The following SERINC3 variants were observed in gnomAD, a reference collection of about 807,000 sequenced individuals.
SERINC3 encodes the protein serine incorporator 3, also known as tumor differentially expressed protein 1.
SERINC3 carries 22 observed loss-of-function variants against 52.1 expected under a neutral mutation model. That is an observed-to-expected ratio of 0.42 (90% CI 0.30 to 0.60). The LOEUF (loss-of-function observed/expected upper bound fraction) is 0.60. Ranked by LOEUF, SERINC3 falls within the 20% of genes least tolerant of loss-of-function variation. The pLI, the probability that SERINC3 is intolerant of heterozygous loss-of-function variation, is 0.16. For synonymous variants in SERINC3, 226 were observed against 212.7 expected, an observed-to-expected ratio of 1.06 and a Z score of -0.54; for missense variants, 564 against 584.6, an observed-to-expected ratio of 0.96 and a Z score of 0.36.
At chr20:44,500,628 C>T (rs1055326240) in intron 9 of SERINC3, among the ~76,000 whole-genome samples, 194 bp from the exon 10 acceptor site, 3 of 152,206 alleles carry the variant, frequency 2.0e-5, no homozygotes, top group Admixed American at 1.3e-4. Context: ...AGCTCATTGA[C>T]TCTGCCTCTC....
At position 44,503,988 on chromosome 20, in the gene SERINC3, G is replaced by A; in HGVS notation, c.882C>T (p.Ser294=). 6.4e-7 allele frequency: 1 copy of A among 1,572,564 alleles called. No homozygotes were observed. The highest frequency in any genetic ancestry group is 1.2e-5 in the South Asian group (1 of 81,382). The change falls in exon 8 of 10, where the codon TCC becomes TCT. Residue 294 remains serine (S), a synonymous_variant. Coordinates refer to ENST00000342374, the MANE Select transcript of SERINC3 (RefSeq NM_006811.4). ...TAAAGCTCATCAGGTTGGGATTGCAGGAACGATCTGAAAATGAGAAAATTT... is the reference window on the plus strand; with the variant it reads ...TAAAGCTCATCAGGTTGGGATTGCAAGAACGATCTGAAAATGAGAAAATTT... ...WSAMSNEPDR[S]CNPNLMSFIT... is the part of the protein sequence containing the mutation.
Position 44,512,962 on chromosome 20 carries a change from G to A in SERINC3, c.234C>T (p.Ile78=). The A allele has an allele frequency of 6.6e-7, 1 of 1,508,990 alleles. No individual in the cohort carries two copies. The highest frequency in any genetic ancestry group is 2.6e-5 in the East Asian group (1 of 38,184). 93.5% of individuals were successfully genotyped at this position (1,508,990 alleles called of 1,614,324 possible). Residue 78 remains isoleucine (I), a synonymous_variant, in exon 3 of 10, where the codon ATC becomes ATT. Transcript: ENST00000342374. ...IPGFCEGGFK[I]HEADINADKD... ...TATCTGCATTTATATCAGCCTCATG[G>A]ATTTTAAATCCCCCTTCACAAAATC...
chr20:44,509,870 T>C lies in SERINC3; in HGVS notation c.613+21A>G, dbSNP rs184645285. On this transcript the variant is annotated intron_variant, in intron 5 of 9. Transcript: ENST00000342374. The stretch of plus-strand genomic sequence containing the variant: ...GCTTAATGTAGCAGTATGGCTAACA[T>C]AGGTGAGTAGAGATACCTACCAGCA... 8.2e-3 allele frequency: 13,213 copies of C among 1,612,784 alleles called. 53 individuals carry two copies. The highest frequency in any genetic ancestry group is 9.3e-3 in the Non-Finnish European group (10,947 of 1,178,784).
Position 44,504,072 on chromosome 20 carries a change from A to G in SERINC3, c.875-77T>C, listed in dbSNP as rs537617690. ...AGAAAGAACTTGAGGAGTTCCCTAC[A>G]TATCATTCAGTCATGATGTGAAACA... is the stretch of plus-strand genomic sequence containing the variant. On this transcript the variant is annotated intron_variant, in intron 7 of 9. Transcript: ENST00000342374. The G allele has an allele frequency of 3.2e-5, 39 of 1,221,752 alleles. No homozygotes were observed. The African/African-American group carries it at 5.6e-4, about 17-fold the overall frequency. 75.7% of individuals were successfully genotyped at this position (1,221,752 alleles called of 1,614,324 possible).
At chr20:44,516,301 CA>C (rs1158258855) in intron 1 of SERINC3, among the ~76,000 whole-genome samples, 1 of 149,162 alleles carries the variant, frequency 6.7e-6, no homozygotes, top group African/African-American at 2.5e-5. Flanking sequence ...GACTCCGTCT[CA>C]AAAAAAAAGA....
intron 6 of SERINC3, among the ~76,000 whole-genome samples, chr20:44,505,735 G>C (rs1283456728): frequency 6.6e-6 from 1 of 152,008 alleles, no homozygotes; most frequent in Non-Finnish European, 1.5e-5. Context: ...CAAGTAGCTG[G>C]GATTACAGGT....
In SERINC3 at chr20:44,500,180, G is replaced by T; in HGVS notation, c.*116C>A. 8.7e-7 allele frequency: 1 copy of T among 1,144,296 alleles called. No homozygotes were observed. Among genetic ancestry groups the T allele is most frequent in the Non-Finnish European group, 1.2e-6 (1 of 817,782 alleles). The allele number at this position is 1,144,296 out of a possible 1,614,324, so 70.9% of individuals were successfully genotyped here. ...ACCTTCTGATATAAACCTGCATACAGTCAAACTTGCAAAGCATTCACTTAA... is the reference window on the plus strand; with the variant it reads ...ACCTTCTGATATAAACCTGCATACATTCAAACTTGCAAAGCATTCACTTAA... On this transcript the variant is annotated 3_prime_UTR_variant, in exon 10 of 10. Coordinates refer to ENST00000342374, the MANE Select transcript of SERINC3 (RefSeq NM_006811.4).
chr20:44,516,324 C>G (rs530840775), intron 1 of SERINC3, among the ~76,000 whole-genome samples: 1 of 152,192 alleles, frequency 6.6e-6, no homozygotes, highest in South Asian at 2.1e-4. Context: ...TAACCTAGAT[C>G]TTTAGTCTGC....
intron 6 of SERINC3, among the ~76,000 whole-genome samples, chr20:44,505,356 G>A (rs540327576): frequency 4.6e-4 from 70 of 151,394 alleles, no homozygotes; most frequent in Middle Eastern, 6.8e-3. Flanking sequence ...ACGGAGTCTC[G>A]CTTTTGTCAC....
At chr20:44,510,061 A>G in intron 4 of SERINC3, 33 bp from the exon 5 acceptor site, 2 of 1,600,866 alleles carry the variant, frequency 1.2e-6, no homozygotes, top group Non-Finnish European at 1.7e-6. Flanking sequence ...GTTATTCTCT[A>G]CCATAGAGTA....
chr20:44,503,733 G>T, intron 8 of SERINC3, 82 bp downstream of exon 8: 2 of 1,114,516 alleles, frequency 1.8e-6, no homozygotes, highest in Non-Finnish European at 1.3e-6. Context: ...AATTTCTCAT[G>T]CTGCTTTTTG....
chr20:44,509,209 T>C (rs1435897520), intron 5 of SERINC3, among the ~76,000 whole-genome samples: 1 of 152,158 alleles, frequency 6.6e-6, no homozygotes, highest in African/African-American at 2.4e-5. Flanking sequence ...AGAAAGTTTT[T>C]CATAGCAGGT....
chr20:44,509,519 C>A (rs1229010124), intron 5 of SERINC3, among the ~76,000 whole-genome samples: 1 of 151,882 alleles, frequency 6.6e-6, no homozygotes. Flanking sequence ...GATTTTTTTC[C>A]TTTTATTTAA....
chr20:44,508,756 A>G (rs2064330083), intron 5 of SERINC3, among the ~76,000 whole-genome samples: 1 of 152,228 alleles, frequency 6.6e-6, no homozygotes, highest in South Asian at 2.1e-4. Flanking sequence ...CAAGTCATGG[A>G]ACAACATACA....
At position 44,501,111 on chromosome 20, in the gene SERINC3, A is replaced by G. The variant is rs1347686526; in HGVS notation, c.1245T>C (p.Ala415=). The change falls in exon 9 of 10, where the codon GCT becomes GCC. Residue 415 remains alanine, a synonymous_variant. Coordinates refer to ENST00000342374, the MANE Select transcript of SERINC3 (RefSeq NM_006811.4). Reference sequence around the variant, plus strand: ...TCAGGGTCATCATGATGTACAAGGAAGCCAAGCAGAGCATGAGGTGGAATA... The same window carrying G: ...TCAGGGTCATCATGATGTACAAGGAGGCCAAGCAGAGCATGAGGTGGAATA... The part of the protein sequence containing the change: ...YSLFHLMLCL[A]SLYIMMTLTS... The G allele has an allele frequency of 1.9e-6, 3 of 1,614,082 alleles. No homozygotes were observed. In the South Asian group the frequency reaches 3.3e-5, roughly 18 times the overall value.
At chr20:44,504,921 A>C in intron 6 of SERINC3, 30 bp from the exon 7 acceptor site, 1 of 1,580,674 alleles carries the variant, frequency 6.3e-7, no homozygotes, top group Non-Finnish European at 8.7e-7. Context: ...ACAGTGGCAC[A>C]GGGACTGCCA....
chr20:44,510,896 G>GT (rs2064343152), intron 4 of SERINC3, among the ~76,000 whole-genome samples: 1 of 151,954 alleles, frequency 6.6e-6, no homozygotes, highest in Non-Finnish European at 1.5e-5. Context: ...TACAAAAACA[G>GT]TAATTAAAAG....
Position 44,510,014 on chromosome 20 carries a change from C to T in SERINC3, c.490G>A (p.Gly164Ser). 1 of 1,614,036 alleles carries T rather than the reference C, an allele frequency of 6.2e-7. No homozygotes were observed. Among genetic ancestry groups the T allele is most frequent in the Non-Finnish European group, 8.5e-7 (1 of 1,179,936 alleles). ...ATGAAGAGGGCGGCCCCTATCATGC[C>T]AACAACAAACCAGACTACAAGAACC... ...GYFSSVWFVV[G>S]MIGAALFILI... is the part of the protein sequence containing the mutation. Residue 164 changes from glycine to serine, a missense_variant, in exon 5 of 10, where the codon GGC becomes AGC. Gly to Ser is a moderately conservative substitution (Grantham distance 56, BLOSUM62 0). Transcript: ENST00000342374.
At chr20:44,505,469 C>T (rs1293649727) in intron 6 of SERINC3, among the ~76,000 whole-genome samples, 5 of 151,648 alleles carry the variant, frequency 3.3e-5, no homozygotes, top group Non-Finnish European at 7.4e-5. Flanking sequence ...TTACAGTGCC[C>T]GCCACCACAC....
Sources: allele counts gnomAD v4.1 joint callset (sites outside exome capture counted in the v4.1 genomes callset), GRCh38; gene constraint gnomAD v4.1.1; transcripts MANE v1.5; gene names NCBI Gene and HGNC (gene_info 2026-07-23, HGNC 2026-07-21).